Variants in KIAA0319 observed in about 807,000 individuals in gnomAD.
KIAA0319 encodes the protein KIAA0319.
KIAA0319 carries 83 observed loss-of-function variants against 108.4 expected under a neutral mutation model. The ratio of observed to expected loss-of-function variants is 0.77; its 90% CI spans 0.64 to 0.92. The LOEUF is 0.92. Ranked by LOEUF, KIAA0319 falls within the 40% of genes least tolerant of loss-of-function variation. KIAA0319 has a pLI of 0.00. For missense variants in KIAA0319, 1,195 were observed against 1,322.4 expected, an observed-to-expected ratio of 0.90 and a Z score of 1.49; for synonymous variants, 484 against 510.4, an observed-to-expected ratio of 0.95 and a Z score of 0.70.
chr6:24,582,439 G>A, intron 5 of KIAA0319, 93 bp from the exon 6 acceptor site: 1 of 724,976 alleles, frequency 1.4e-6, no homozygotes, highest in Non-Finnish European at 2.5e-6. Context: ...TAAACCACCA[G>A]TGCAGATTAC....
intron 3 of KIAA0319, among the ~76,000 whole-genome samples, chr6:24,589,531 T>G (rs532266241): frequency 6.8e-6 from 1 of 147,968 alleles, no homozygotes; most frequent in African/African-American, 2.4e-5. Context: ...CCCCATGCTG[T>G]TCTCGTGATA....
At chr6:24,565,252 C>CAAA (rs560388358) in intron 14 of KIAA0319, among the ~76,000 whole-genome samples, 14 of 142,574 alleles carry the variant, frequency 9.8e-5, no homozygotes, top group African/African-American at 3.4e-4. Context: ...GACTCGGACT[C>CAAA]AAAAAAAAAA....
rs3840133 is a variant in KIAA0319, at chr6:24,579,412, GATATAT to G, written c.1372+440_1372+445del. 6.3e-4 allele frequency among the ~76,000 whole-genome samples: 80 copies of G among 127,244 alleles called. 4 individuals are homozygous for G. The highest frequency in any genetic ancestry group is 2.5e-3 in the African/African-American group (78 of 31,452). The allele number at this position is 127,244 out of a possible 152,430, so 83.5% of individuals were successfully genotyped here. On this transcript the variant is annotated intron_variant, in intron 8 of 20. Transcript: ENST00000378214. Reference sequence around the variant, plus strand: ...GGTCACGGGAGCTCCTCTATATAAAGATATATATATATATATATATCTTATATATCT... The same window carrying G: ...GGTCACGGGAGCTCCTCTATATAAAGATATATATATATATCTTATATATCT...
chr6:24,586,776 T>TAGCCTAGA (rs1438701488), intron 4 of KIAA0319, among the ~76,000 whole-genome samples: 4 of 152,178 alleles, frequency 2.6e-5, no homozygotes, highest in African/African-American at 9.7e-5. Flanking sequence ...ACAGGGGCAC[T>TAGCCTAGA]AGCCTAGAAC....
chr6:24,638,154 A>G (rs913250310), intron 1 of KIAA0319, among the ~76,000 whole-genome samples: 1 of 152,208 alleles, frequency 6.6e-6, no homozygotes, highest in Non-Finnish European at 1.5e-5. Flanking sequence ...AGACAGTAAA[A>G]AATAAGTATG....
At chr6:24,609,645 G>T (rs1250092201) in intron 1 of KIAA0319, among the ~76,000 whole-genome samples, 2 of 151,558 alleles carry the variant, frequency 1.3e-5, no homozygotes, top group African/African-American at 4.8e-5. Flanking sequence ...AAATTGTATT[G>T]GAGAAACAGG....
intron 2 of KIAA0319, chr6:24,598,431 G>GA: frequency 1.2e-5 from 7 of 577,774 alleles, no homozygotes; most frequent in South Asian, 1.0e-4. Flanking sequence ...AGACAGTTTG[G>GA]ATGAATGTGG....
chr6:24,578,366 A>G, intron 8 of KIAA0319, 124 bp from the exon 9 acceptor site: 1 of 666,292 alleles, frequency 1.5e-6, no homozygotes. Context: ...CTAGATCTCA[A>G]TGGATATATA....
intron 1 of KIAA0319, among the ~76,000 whole-genome samples, chr6:24,624,019 T>TTTA (rs61079813): frequency 4.7e-5 from 5 of 107,012 alleles, no homozygotes; most frequent in South Asian, 2.9e-4. Context: ...TTTGTTTTCT[T>TTTA]TTTTTTTTTT....
intron 1 of KIAA0319, among the ~76,000 whole-genome samples, chr6:24,633,212 T>C (rs1197104787): frequency 6.6e-6 from 1 of 152,188 alleles, no homozygotes; most frequent in African/African-American, 2.4e-5. Context: ...CAACAGTATC[T>C]CTGCATATGC....
intron 6 of KIAA0319, among the ~76,000 whole-genome samples, chr6:24,581,487 C>T (rs1312460054): frequency 2.0e-5 from 3 of 152,052 alleles, no homozygotes. Context: ...GTCGCTAAGT[C>T]GGTTTATATA....
At chr6:24,589,424 T>C (rs1768097494) in intron 3 of KIAA0319, among the ~76,000 whole-genome samples, 1 of 152,210 alleles carries the variant, frequency 6.6e-6, no homozygotes, top group Admixed American at 6.5e-5. Context: ...CTGATATGGC[T>C]AGGCTTTGTG....
intron 18 of KIAA0319, among the ~76,000 whole-genome samples, chr6:24,556,343 G>C (rs1762284196): frequency 6.6e-6 from 1 of 151,910 alleles, no homozygotes; most frequent in South Asian, 2.1e-4. Flanking sequence ...ACCACACTCA[G>C]TTAATTTTTT....
intron 1 of KIAA0319, among the ~76,000 whole-genome samples, chr6:24,625,142 T>C (rs1253927485): frequency 1.3e-5 from 2 of 152,314 alleles, no homozygotes; most frequent in African/African-American, 4.8e-5. Context: ...TTCTATAAAA[T>C]TGTCTGCCAA....
intron 11 of KIAA0319, among the ~76,000 whole-genome samples, chr6:24,570,819 C>A (rs1212792554): frequency 6.6e-6 from 1 of 152,082 alleles, no homozygotes; most frequent in Non-Finnish European, 1.5e-5. Context: ...AGCCTCAGTG[C>A]TAACACAGTG....
intron 1 of KIAA0319, among the ~76,000 whole-genome samples, chr6:24,629,250 T>G (rs2127582713): frequency 6.6e-6 from 1 of 152,168 alleles, no homozygotes; most frequent in East Asian, 1.9e-4. Context: ...GCGTGGTGGC[T>G]CACGCCTGTA....
chr6:24,556,509 C>A (rs1001462245), intron 18 of KIAA0319, 98 bp downstream of exon 18: 23 of 1,360,454 alleles, frequency 1.7e-5, no homozygotes, highest in Admixed American at 2.1e-5. Flanking sequence ...CACTATGTTG[C>A]CCAGGTTGGC....
At chr6:24,555,954 C>A (rs1366661599) in intron 18 of KIAA0319, among the ~76,000 whole-genome samples, 3 of 152,202 alleles carry the variant, frequency 2.0e-5, no homozygotes, top group Non-Finnish European at 4.4e-5. Flanking sequence ...GCCAATTCTG[C>A]TCTGCCAAAG....
intron 3 of KIAA0319, among the ~76,000 whole-genome samples, chr6:24,593,464 C>T (rs1768850564): frequency 7.0e-6 from 1 of 141,942 alleles, no homozygotes; most frequent in Non-Finnish European, 1.5e-5. Flanking sequence ...GCGATCTCGG[C>T]TCATTGCAAG....
Sources: gnomAD v4.1 joint callset for allele counts (sites outside exome capture counted in the v4.1 genomes callset) on GRCh38, gnomAD v4.1.1 for gene constraint, MANE v1.5 for transcripts, NCBI Gene and HGNC (gene_info 2026-07-23, HGNC 2026-07-21) for gene names.